PTPN14: variants seen among roughly 807,000 people sequenced by gnomAD.
PTPN14 encodes protein tyrosine phosphatase non-receptor type 14.
In PTPN14, 53 loss-of-function variants were observed where a neutral mutation model predicts 126.8. That is an observed-to-expected ratio of 0.42 (90% confidence interval 0.34 to 0.53). PTPN14 has a LOEUF of 0.53. Ranked by LOEUF, PTPN14 falls within the 20% of genes least tolerant of loss-of-function variation. The pLI, the probability that PTPN14 is intolerant of heterozygous loss-of-function variation, is 0.08. For synonymous variants in PTPN14, 630 were observed against 599.3 expected, an observed-to-expected ratio of 1.05 and a Z score of -0.75; for missense variants, 1,257 against 1,552.9, an observed-to-expected ratio of 0.81 and a Z score of 3.20.
At chr1:214,512,269 T>G (rs1036721706) in intron 1 of PTPN14, among the ~76,000 whole-genome samples, 2 of 152,132 alleles carry the variant, frequency 1.3e-5, no homozygotes, top group African/African-American at 4.8e-5. Flanking sequence ...CTGTCCTACC[T>G]CACCTTTCCT....
chr1:214,442,679 A>G (rs929671569), intron 3 of PTPN14, among the ~76,000 whole-genome samples: 1 of 152,222 alleles, frequency 6.6e-6, no homozygotes. Context: ...CCCTAAAGGG[A>G]AAGAATATCA....
chr1:214,370,753 G>A (rs184584225), intron 16 of PTPN14, among the ~76,000 whole-genome samples: 9 of 152,230 alleles, frequency 5.9e-5, no homozygotes, highest in East Asian at 1.9e-4. Context: ...GAGAAGGGGC[G>A]GAGTGTGGAG....
At chr1:214,413,764 G>T (rs929800635) in intron 4 of PTPN14, among the ~76,000 whole-genome samples, 1 of 152,120 alleles carries the variant, frequency 6.6e-6, no homozygotes, top group Non-Finnish European at 1.5e-5. Flanking sequence ...CACCTCCCAC[G>T]TTCAAGCGAT....
At chr1:214,533,925 GA>G (rs1479497009) in intron 1 of PTPN14, among the ~76,000 whole-genome samples, 2 of 151,210 alleles carry the variant, frequency 1.3e-5, no homozygotes, top group Non-Finnish European at 2.9e-5. Flanking sequence ...CAAGGAGGAT[GA>G]AAATGAGTTG....
At chr1:214,411,415 T>C (rs902012585) in intron 5 of PTPN14, among the ~76,000 whole-genome samples, 5 of 152,138 alleles carry the variant, frequency 3.3e-5, no homozygotes, top group African/African-American at 1.2e-4. Context: ...TAGTAAAGTT[T>C]CAGGTTACAA....
At position 214,469,009 on chromosome 1, in the gene PTPN14, T is replaced by TAA. The variant is rs1367385373; in HGVS notation, c.-154-4054_-154-4053dup. Among the ~76,000 whole-genome samples the TAA allele has an allele frequency of 3.9e-5, 6 of 152,312 alleles. No homozygotes were observed. In the East Asian group the frequency reaches 1.2e-3, roughly 29 times the overall value. Reference sequence around the variant, plus strand: ...TAACACACACATCATTTACCTACATTAAAAGCTCATGACATTTTCACCCAG... The same window carrying TAA: ...TAACACACACATCATTTACCTACATTAAAAAAGCTCATGACATTTTCACCCAG... On this transcript the variant is annotated intron_variant, in intron 1 of 18. Transcript: ENST00000366956.
intron 1 of PTPN14, among the ~76,000 whole-genome samples, chr1:214,481,055 G>C (rs1660973810): frequency 6.6e-6 from 1 of 152,162 alleles, no homozygotes; most frequent in Admixed American, 6.5e-5. Context: ...AGTAAAAAAG[G>C]AGAAAAGGAG....
At chr1:214,433,953 A>AC (rs1558100354) in intron 3 of PTPN14, among the ~76,000 whole-genome samples, 493 of 11,520 alleles carry the variant, frequency 0.043, 2 homozygotes, top group Non-Finnish European at 0.051. Context: ...CACACACACA[A>AC]AAAAAAAAAA....
At chr1:214,425,255 G>A (rs1659635262) in intron 3 of PTPN14, among the ~76,000 whole-genome samples, 1 of 152,184 alleles carries the variant, frequency 6.6e-6, no homozygotes, top group Non-Finnish European at 1.5e-5. Flanking sequence ...GAGACACCCA[G>A]TGGGTAAAAA....
In PTPN14 at chr1:214,448,380, C is replaced by A. The variant is rs1334045656; in HGVS notation, c.344+3425G>T. 2.7e-5 allele frequency among the ~76,000 whole-genome samples: 4 copies of A among 150,670 alleles called. No homozygotes were observed. In the East Asian group the frequency reaches 7.9e-4, roughly 30 times the overall value. ...CGCGTAGCTGGGACTACAGGTGCCC[C>A]CAACCAAGCCGGGCTAATTTTTTTT... is the stretch of plus-strand genomic sequence containing the variant. On this transcript the variant is annotated intron_variant, in intron 3 of 18. Transcript: ENST00000366956.
At chr1:214,502,108 G>A (rs1357702275) in intron 1 of PTPN14, among the ~76,000 whole-genome samples, 1 of 149,102 alleles carries the variant, frequency 6.7e-6, no homozygotes, top group Non-Finnish European at 1.5e-5. Flanking sequence ...CACTTTATAA[G>A]GTGTGATTGA....
At chr1:214,458,774 C>T (rs1027881670) in intron 2 of PTPN14, among the ~76,000 whole-genome samples, 3 of 152,136 alleles carry the variant, frequency 2.0e-5, no homozygotes, top group Non-Finnish European at 4.4e-5. Flanking sequence ...ATTGTTTTAG[C>T]TCTTTTTCCC....
At chr1:214,409,990 T>A (rs1218623174) in intron 5 of PTPN14, among the ~76,000 whole-genome samples, 2 of 152,232 alleles carry the variant, frequency 1.3e-5, no homozygotes, top group Admixed American at 6.5e-5. Context: ...ACCATTTTTT[T>A]AATAGGGCTA....
intron 15 of PTPN14, among the ~76,000 whole-genome samples, chr1:214,373,538 T>C (rs958584540): frequency 6.7e-6 from 1 of 148,254 alleles, no homozygotes; most frequent in African/African-American, 2.5e-5. Flanking sequence ...TCTTTTCTCT[T>C]TTCTAGTCGA....
rs762790330 is a variant in PTPN14, at chr1:214,383,975, G to C, written c.1880C>G (p.Pro627Arg). 5.0e-6 allele frequency: 8 copies of C among 1,611,468 alleles called. No individual in the cohort carries two copies. In the South Asian group the frequency reaches 8.8e-5, roughly 18 times the overall value. ...GCCGTGGTGCTTGGTGGCCGTGAGGGGCTCGCTCACCTCCTGGAGAGACTG... is the reference window on the plus strand; with the variant it reads ...GCCGTGGTGCTTGGTGGCCGTGAGGCGCTCGCTCACCTCCTGGAGAGACTG... ...VHQSLQEVSE[P>R]LTATKHHGTV... Residue 627 changes from proline to arginine, a missense_variant, in exon 13 of 19, where the codon CCC becomes CGC. By Grantham distance (103) the Pro-to-Arg change is moderately radical. Coordinates refer to ENST00000366956, the MANE Select transcript of PTPN14 (RefSeq NM_005401.5). The surrounding 1 kb of genome is among the most constrained non-coding windows in gnomAD (Gnocchi z 4.4).
At chr1:214,394,767 G>A in intron 9 of PTPN14, 132 bp downstream of exon 9, 2 of 815,290 alleles carry the variant, frequency 2.5e-6, no homozygotes, top group East Asian at 2.5e-5. Flanking sequence ...CACTGACCAA[G>A]TATTAGAAAG....
chr1:214,503,167 TAAC>T (rs762131616), intron 1 of PTPN14, among the ~76,000 whole-genome samples: 47 of 152,102 alleles, frequency 3.1e-4, no homozygotes, highest in Non-Finnish European at 5.1e-4. Flanking sequence ...AAATAAGCAA[TAAC>T]AATAATAAAA....
Position 214,507,927 on chromosome 1 carries a change from G to C in PTPN14, c.-154-42970C>G, listed in dbSNP as rs538502298. 4.6e-5 allele frequency among the ~76,000 whole-genome samples: 7 copies of C among 152,182 alleles called. No homozygotes were observed. The South Asian group carries it at 1.5e-3, about 32-fold the overall frequency. ...GCCCAGAAGTTCCAGGCTGCAGTGA[G>C]CTATGATTGAACCTGTCAATAGTCA... On this transcript the variant is annotated intron_variant, in intron 1 of 18. Coordinates refer to ENST00000366956, the MANE Select transcript of PTPN14 (RefSeq NM_005401.5).
At chr1:214,500,815 C>T (rs1264437416) in intron 1 of PTPN14, among the ~76,000 whole-genome samples, 5 of 152,112 alleles carry the variant, frequency 3.3e-5, no homozygotes, top group Non-Finnish European at 7.4e-5. Context: ...CCTGGAATGA[C>T]AACATCTGTG....
Sources: allele counts gnomAD v4.1 joint callset (sites outside exome capture counted in the v4.1 genomes callset), GRCh38; gene constraint gnomAD v4.1.1; non-coding constraint Gnocchi (gnomAD v3.1); transcripts MANE v1.5; gene names NCBI Gene and HGNC (gene_info 2026-07-23, HGNC 2026-07-21).